The following CCDC81 variants were observed in gnomAD, a reference collection of about 807,000 sequenced individuals.
CCDC81 encodes coiled-coil domain containing 81, also known as coiled-coil domain-containing protein 81.
CCDC81 carries 79 observed loss-of-function variants against 83.7 expected under a neutral mutation model. The observed-to-expected ratio is 0.94, with a 90% confidence interval of 0.79 to 1.14. The LOEUF is 1.14. CCDC81 is among the 50% of genes most tolerant of loss of function. CCDC81 has a pLI of 0.00. For synonymous variants in CCDC81, 252 were observed against 278.1 expected (o/e 0.91, Z 0.93); for missense variants, 791 against 778.1 (o/e 1.02, Z -0.20).
At chr11:86,415,401 T>A (rs750260907) in intron 13 of CCDC81, 88 bp downstream of exon 13, 232 of 953,528 alleles carry the variant, frequency 2.4e-4, no homozygotes, top group Non-Finnish European at 3.6e-4. Context: ...TCCCTGCCCC[T>A]CATCTTTCTC....
chr11:86,383,336 G>T (rs962383595), intron 1 of CCDC81, among the ~76,000 whole-genome samples: 1 of 152,146 alleles, frequency 6.6e-6, no homozygotes, highest in African/African-American at 2.4e-5. Flanking sequence ...AATTTTAGAA[G>T]ATAAGTTTTA....
At chr11:86,415,522 T>C (rs1331603767) in intron 13 of CCDC81, among the ~76,000 whole-genome samples, 1 of 152,242 alleles carries the variant, frequency 6.6e-6, no homozygotes, top group Admixed American at 6.5e-5. Flanking sequence ...TAATTCATTA[T>C]ATGAAGAAAA....
chr11:86,387,483 T>C (rs772212936), intron 2 of CCDC81, 33 bp from the exon 3 acceptor site: 32 of 1,606,538 alleles, frequency 2.0e-5, no homozygotes, highest in Non-Finnish European at 2.7e-5. Context: ...ACTCCTTCAA[T>C]GAATTCTGTT....
chr11:86,404,280 C>T (rs917324361), intron 7 of CCDC81, among the ~76,000 whole-genome samples: 1 of 152,122 alleles, frequency 6.6e-6, no homozygotes, highest in African/African-American at 2.4e-5. Flanking sequence ...TCTAAATAAT[C>T]TGAAAAGGTC....
In CCDC81 at chr11:86,415,165, G is replaced by A. The variant is rs760418118; in HGVS notation, c.1543G>A (p.Gly515Ser). Residue 515 changes from glycine to serine, a missense_variant, in exon 13 of 15, where the codon GGT (glycine) becomes AGT (serine). Coordinates refer to ENST00000445632, the MANE Select transcript of CCDC81 (RefSeq NM_001156474.2). ...SSEPIFGKNEGELMVEKQKRE... is the reference protein window; with the variant it reads ...SSEPIFGKNESELMVEKQKRE... The stretch of plus-strand genomic sequence containing the variant: ...TGAGCCCATCTTTGGTAAGAATGAG[G>A]GTGAACTGATGGTGGAAAAGCAAAA... The A allele has an allele frequency of 3.1e-6, 5 of 1,614,162 alleles. No individual in the cohort carries two copies. The highest frequency in any genetic ancestry group is 1.3e-5 in the African/African-American group (1 of 75,034).
intron 7 of CCDC81, among the ~76,000 whole-genome samples, chr11:86,403,170 T>A (rs1323404483): frequency 6.6e-6 from 1 of 151,968 alleles, no homozygotes; most frequent in East Asian, 1.9e-4. Context: ...TATTTTTATC[T>A]TGTTTCTTGG....
chr11:86,375,155 A>G lies in CCDC81; in HGVS notation c.-9A>G. 2.5e-6 allele frequency: 4 copies of G among 1,612,964 alleles called. No individual in the cohort carries two copies. Among genetic ancestry groups the G allele is most frequent in the Non-Finnish European group, 3.4e-6 (4 of 1,179,238 alleles). On this transcript the variant is annotated 5_prime_UTR_variant, in exon 1 of 15. Coordinates refer to ENST00000445632, the MANE Select transcript of CCDC81 (RefSeq NM_001156474.2). Reference sequence around the variant, plus strand: ...GAACATTCAGTACGGAGTCACCTGGAAATTGGAGATGTTGGATACGATCGC... The same window carrying G: ...GAACATTCAGTACGGAGTCACCTGGGAATTGGAGATGTTGGATACGATCGC...
At chr11:86,393,016 A>G (rs1164731171) in intron 4 of CCDC81, among the ~76,000 whole-genome samples, 4 of 152,234 alleles carry the variant, frequency 2.6e-5, no homozygotes, top group African/African-American at 9.6e-5. Flanking sequence ...GGATATAAAT[A>G]GTAACGGAAA....
intron 13 of CCDC81, among the ~76,000 whole-genome samples, chr11:86,417,319 A>T (rs1438628944): frequency 6.6e-6 from 1 of 151,670 alleles, no homozygotes; most frequent in Non-Finnish European, 1.5e-5. Context: ...AAAATTTTTT[A>T]AATTTTTTTT....
chr11:86,381,474 G>T lies in CCDC81; in HGVS notation c.80-4577G>T, dbSNP rs144300971. On this transcript the variant is annotated intron_variant, in intron 1 of 14. Transcript: ENST00000445632. Reference sequence around the variant, plus strand: ...AAATATGTGGGGACCCTCCCTCCATGACTGGGTTCCCCTGGAGGTTTTAAC... The same window carrying T: ...AAATATGTGGGGACCCTCCCTCCATTACTGGGTTCCCCTGGAGGTTTTAAC... Among the ~76,000 whole-genome samples, 871 of 152,300 alleles carry T rather than the reference G, an allele frequency of 5.7e-3. 7 individuals carry two copies. The highest frequency in any genetic ancestry group is 0.02 in the African/African-American group (819 of 41,560).
intron 9 of CCDC81, among the ~76,000 whole-genome samples, chr11:86,408,638 C>T (rs1948595867): frequency 6.6e-6 from 1 of 152,142 alleles, no homozygotes; most frequent in South Asian, 2.1e-4. Flanking sequence ...ACCCACTGAG[C>T]CCAGCCTATA....
chr11:86,404,884 G>A (rs993483741), intron 7 of CCDC81, among the ~76,000 whole-genome samples: 2 of 152,066 alleles, frequency 1.3e-5, no homozygotes, highest in Non-Finnish European at 2.9e-5. Flanking sequence ...GTAGTGGGGC[G>A]CTTTCTCATT....
intron 3 of CCDC81, among the ~76,000 whole-genome samples, chr11:86,392,012 A>T (rs1948337432): frequency 6.6e-6 from 1 of 152,206 alleles, no homozygotes; most frequent in Non-Finnish European, 1.5e-5. Context: ...ACTCATTATC[A>T]TGAGGACAGC....
intron 14 of CCDC81, among the ~76,000 whole-genome samples, chr11:86,420,360 G>C (rs1344571751): frequency 6.6e-6 from 1 of 152,142 alleles, no homozygotes; most frequent in Non-Finnish European, 1.5e-5. Flanking sequence ...TTGGAAGTAG[G>C]GGGAGTGAGT....
At chr11:86,402,426 A>G (rs1399238567) in intron 7 of CCDC81, among the ~76,000 whole-genome samples, 1 of 152,194 alleles carries the variant, frequency 6.6e-6, no homozygotes, top group African/African-American at 2.4e-5. Context: ...TGATTTCCCC[A>G]TGACATTAAA....
At chr11:86,414,944 C>T (rs549422279) in intron 12 of CCDC81, 77 bp downstream of exon 12, 179 of 1,424,532 alleles carry the variant, frequency 1.3e-4, no homozygotes, top group East Asian at 5.4e-4. Context: ...TAAGTTGTTA[C>T]GAATATTTTT....
intron 1 of CCDC81, among the ~76,000 whole-genome samples, chr11:86,381,144 G>T (rs1299402997): frequency 6.6e-6 from 1 of 152,226 alleles, no homozygotes; most frequent in East Asian, 1.9e-4. Context: ...TCTGGACTGT[G>T]AACTTTACAA....
At chr11:86,420,179 C>A in intron 14 of CCDC81, 126 bp downstream of exon 14, 2 of 1,089,070 alleles carry the variant, frequency 1.8e-6, no homozygotes, top group Non-Finnish European at 2.6e-6. Flanking sequence ...AGTCTGTATT[C>A]CATGGGAAAT....
At chr11:86,391,117 A>T (rs545330903) in intron 3 of CCDC81, among the ~76,000 whole-genome samples, 7 of 152,346 alleles carry the variant, frequency 4.6e-5, no homozygotes, top group African/African-American at 1.7e-4. Flanking sequence ...CCTAACTCAG[A>T]TAAGTGATCT....
Sources: allele counts gnomAD v4.1 joint callset (sites outside exome capture counted in the v4.1 genomes callset), GRCh38; gene constraint gnomAD v4.1.1; transcripts MANE v1.5; gene names NCBI Gene and HGNC (gene_info 2026-07-23, HGNC 2026-07-21).